RNLS: variants seen among roughly 807,000 people sequenced by gnomAD.
RNLS encodes the protein renalase, FAD dependent amine oxidase.
In RNLS, 39 loss-of-function variants were observed where a neutral mutation model predicts 39.8. The ratio of observed to expected loss-of-function variants is 0.98; its 90% CI spans 0.76 to 1.28. The LOEUF (loss-of-function observed/expected upper bound fraction) is 1.28. Ranked by LOEUF, RNLS falls within the 50% of genes most tolerant of loss-of-function variation. The pLI is 0.00. For missense variants in RNLS, 410 were observed against 413.3 expected (o/e 0.99, Z 0.07); for synonymous variants, 147 against 150.7 (o/e 0.98, Z 0.18).
the RNLS span, among the ~76,000 whole-genome samples, chr10:88,176,172 T>G: frequency 1.0e-5 from 1 of 98,352 alleles, no homozygotes; most frequent in Admixed American, 1.1e-4. Flanking sequence ...CCTTAGCCTA[T>G]CTTTTTTTTT....
chr10:88,508,253 C>A (rs968407849), intron 4 of RNLS, among the ~76,000 whole-genome samples: 14 of 152,242 alleles, frequency 9.2e-5, no homozygotes, highest in African/African-American at 2.6e-4. Flanking sequence ...TGATTGTTTT[C>A]TATGCAAATA....
chr10:88,530,282 A>G (rs1391777793), intron 4 of RNLS, among the ~76,000 whole-genome samples: 1 of 152,220 alleles, frequency 6.6e-6, no homozygotes, highest in Non-Finnish European at 1.5e-5. Context: ...ATACCAAAGT[A>G]TCTGCAATAG....
intron 6 of RNLS, among the ~76,000 whole-genome samples, chr10:88,277,066 G>C (rs945466656): frequency 5.3e-5 from 8 of 152,074 alleles, no homozygotes; most frequent in Non-Finnish European, 7.4e-5. Flanking sequence ...GCAAAGACTT[G>C]GAACCAACCC....
At chr10:88,375,729 A>G (rs1358055980) in intron 4 of RNLS, among the ~76,000 whole-genome samples, 1 of 152,172 alleles carries the variant, frequency 6.6e-6, no homozygotes, top group Non-Finnish European at 1.5e-5. Flanking sequence ...GTAAGGAAAA[A>G]TGGCTTCCCT....
intron 4 of RNLS, among the ~76,000 whole-genome samples, chr10:88,374,148 T>A (rs148795377): frequency 3.6e-3 from 552 of 152,138 alleles, no homozygotes; most frequent in Non-Finnish European, 6.5e-3. Flanking sequence ...TGGCCTTAAC[T>A]GGTATAAGAA....
the RNLS span, among the ~76,000 whole-genome samples, chr10:88,206,908 CT>C: frequency 6.6e-6 from 1 of 152,108 alleles, no homozygotes; most frequent in Non-Finnish European, 1.5e-5. Context: ...GCCAGGGACT[CT>C]TTAGCCTTGC....
chr10:88,318,714 C>T (rs930807223), intron 5 of RNLS, among the ~76,000 whole-genome samples: 2 of 152,150 alleles, frequency 1.3e-5, no homozygotes, highest in South Asian at 2.1e-4. Context: ...ATATCAGTAG[C>T]CCATAGCCAC....
intron 5 of RNLS, among the ~76,000 whole-genome samples, chr10:88,337,076 A>G (rs1406194264): frequency 6.6e-6 from 1 of 152,222 alleles, no homozygotes; most frequent in African/African-American, 2.4e-5. Context: ...GGAGAAAAAA[A>G]TACATTGCCC....
chr10:88,262,847 C>G, the RNLS span, among the ~76,000 whole-genome samples: 1 of 152,074 alleles, frequency 6.6e-6, no homozygotes, highest in Non-Finnish European at 1.5e-5. Flanking sequence ...GACATCTAGC[C>G]TTGTATTTGG....
intron 4 of RNLS, among the ~76,000 whole-genome samples, chr10:88,404,183 G>A (rs1473910414): frequency 6.6e-6 from 1 of 151,882 alleles, no homozygotes; most frequent in Non-Finnish European, 1.5e-5. Flanking sequence ...CATTCTCATC[G>A]GCAATCCTAG....
At chr10:88,502,637 C>T (rs924823613) in intron 4 of RNLS, among the ~76,000 whole-genome samples, 1 of 152,100 alleles carries the variant, frequency 6.6e-6, no homozygotes, top group Non-Finnish European at 1.5e-5. Context: ...TTTGTTATAG[C>T]AATACAAAAC....
At chr10:88,280,204 G>A (rs182613102), downstream of RNLS, among the ~76,000 whole-genome samples, 142 of 152,210 alleles carry the variant, frequency 9.3e-4, 1 homozygote, top group Non-Finnish European at 1.7e-3. Flanking sequence ...ATGAACGTAA[G>A]CCTCACAACA....
chr10:88,203,405 TATATATAC>T, the RNLS span, among the ~76,000 whole-genome samples: 2,403 of 23,250 alleles, frequency 0.1, 345 homozygotes, highest in Middle Eastern at 0.19. Flanking sequence ...TGTATATATA[TATATATAC>T]ACGTATGTGT....
At chr10:88,248,927 T>C in the RNLS span, among the ~76,000 whole-genome samples, 2 of 152,222 alleles carry the variant, frequency 1.3e-5, no homozygotes, top group Non-Finnish European at 2.9e-5. Context: ...TGCTGTTCCT[T>C]CTGTCTGGAA....
rs1933074449 is a variant in RNLS at position 88,553,309 on chromosome 10, T to C, written c.526+19594A>G. The stretch of plus-strand genomic sequence containing the variant: ...AATCATCACAGAGAACTGCCCTAAA[T>C]TGTCTTAAGCCTGTGGCATTGGCTT... On this transcript the variant is annotated intron_variant, in intron 4 of 6. Coordinates refer to ENST00000331772, the MANE Select transcript of RNLS (RefSeq NM_001031709.3). 2.0e-5 allele frequency among the ~76,000 whole-genome samples: 3 copies of C among 152,286 alleles called. No homozygotes were observed. In the East Asian group the frequency reaches 5.8e-4, roughly 29 times the overall value.
chr10:88,274,790 C>T (rs2132584522), exon 7 of RNLS: 2 of 492,776 alleles, frequency 4.1e-6, no homozygotes, highest in South Asian at 5.5e-5. Context: ...GTAGCTACAT[C>T]ATTTTACATT....
At chr10:88,417,972 G>A (rs141032675) in intron 4 of RNLS, among the ~76,000 whole-genome samples, 2 of 152,100 alleles carry the variant, frequency 1.3e-5, no homozygotes, top group East Asian at 1.9e-4. Flanking sequence ...ATCTGAAACT[G>A]ATTTCTATTG....
intron 4 of RNLS, among the ~76,000 whole-genome samples, chr10:88,560,557 G>A (rs1358483289): frequency 2.0e-5 from 3 of 152,034 alleles, no homozygotes; most frequent in African/African-American, 7.2e-5. Context: ...TCCAAACCCC[G>A]TAAGCAGAGA....
intron 5 of RNLS, among the ~76,000 whole-genome samples, chr10:88,327,179 T>G (rs1397504516): frequency 1.3e-5 from 2 of 152,160 alleles, no homozygotes; most frequent in African/African-American, 4.8e-5. Flanking sequence ...TAGTTAGGAC[T>G]TTGGCAGACT....
Sources: gnomAD v4.1 joint callset for allele counts (sites outside exome capture counted in the v4.1 genomes callset) on GRCh38, gnomAD v4.1.1 for gene constraint, MANE v1.5 for transcripts, NCBI Gene and HGNC (gene_info 2026-07-23, HGNC 2026-07-21) for gene names.